Variants in CAMTA1 observed in about 807,000 individuals in gnomAD.
CAMTA1 encodes the protein calmodulin-binding transcription activator 1.
Under a neutral mutation model 170.9 loss-of-function variants are expected in CAMTA1, and 27 were observed. That is an observed-to-expected ratio of 0.16 (90% confidence interval 0.12 to 0.22). The LOEUF is 0.22. Ranked by LOEUF, CAMTA1 falls within the 10% of genes least tolerant of loss-of-function variation. The pLI, the probability that CAMTA1 is intolerant of heterozygous loss-of-function variation, is 1.00. For synonymous variants in CAMTA1, 833 were observed against 891.5 expected (o/e 0.93, Z 1.17); for missense variants, 1,619 against 2,217.2 (o/e 0.73, Z 5.42).
chr1:7,733,207 G>C (rs571288018), intron 12 of CAMTA1, among the ~76,000 whole-genome samples: 1 of 151,586 alleles, frequency 6.6e-6, no homozygotes, highest in Admixed American at 6.6e-5. Context: ...GTCTCAAAAA[G>C]AAGAAGAAGA....
At chr1:7,057,934 A>AGCCAG (rs751492627) in intron 3 of CAMTA1, among the ~76,000 whole-genome samples, 2 of 152,148 alleles carry the variant, frequency 1.3e-5, no homozygotes, top group South Asian at 4.1e-4. Context: ...CCTGACACCA[A>AGCCAG]GCCAGGCCAG....
At chr1:6,850,415 C>T (rs1302581794) in intron 3 of CAMTA1, among the ~76,000 whole-genome samples, 1 of 152,124 alleles carries the variant, frequency 6.6e-6, no homozygotes, top group African/African-American at 2.4e-5. Context: ...TTGAAGATGT[C>T]TTTATCTTCC....
At chr1:7,388,953 ACTGGGGC>A (rs1246881758) in intron 5 of CAMTA1, among the ~76,000 whole-genome samples, 2 of 152,124 alleles carry the variant, frequency 1.3e-5, no homozygotes, top group Non-Finnish European at 2.9e-5. Context: ...TTCCTGCCGG[ACTGGGGC>A]AGGGCCCTAA....
At chr1:6,954,931 T>C (rs1689175812) in intron 3 of CAMTA1, among the ~76,000 whole-genome samples, 1 of 152,130 alleles carries the variant, frequency 6.6e-6, no homozygotes, top group Non-Finnish European at 1.5e-5. Flanking sequence ...TCTCAGCATG[T>C]GCCTGTTTTC....
intron 11 of CAMTA1, among the ~76,000 whole-genome samples, chr1:7,710,856 T>C (rs747054380): frequency 6.6e-6 from 1 of 152,066 alleles, no homozygotes; most frequent in Non-Finnish European, 1.5e-5. Context: ...GGAAGACAGC[T>C]CTTATTTCCC....
intron 5 of CAMTA1, among the ~76,000 whole-genome samples, chr1:7,371,675 C>T (rs939255002): frequency 9.2e-5 from 14 of 152,198 alleles, no homozygotes; most frequent in Admixed American, 3.3e-4. Flanking sequence ...AGGAATGGCC[C>T]GGCCTCTGTG....
Position 7,562,361 on chromosome 1 carries a change from TTGGGTATCAGGGC to T in CAMTA1, c.511-78035_511-78023del, listed in dbSNP as rs1324763750. On this transcript the variant is annotated intron_variant, in intron 6 of 22. Coordinates refer to ENST00000303635, the MANE Select transcript of CAMTA1 (RefSeq NM_015215.4). The surrounding 1 kb of genome is among the most constrained non-coding windows in gnomAD (Gnocchi z 4.8). ...TGCATCGTTGGGCAGTGTAACTCAG[TTGGGTATCAGGGC>T]TGGTGGCAGCAGCAGGGCAGGCCGC... 1.3e-5 allele frequency among the ~76,000 whole-genome samples: 2 copies of T among 152,216 alleles called. No homozygotes were observed. The highest frequency in any genetic ancestry group is 2.9e-5 in the Non-Finnish European group (2 of 68,030).
At chr1:6,943,944 T>C (rs181583974) in intron 3 of CAMTA1, among the ~76,000 whole-genome samples, 123 of 152,156 alleles carry the variant, frequency 8.1e-4, no homozygotes, top group African/African-American at 2.9e-3. Context: ...ATTCACATTG[T>C]GGTACCATCA....
chr1:7,205,978 G>A (rs759421919), intron 4 of CAMTA1, among the ~76,000 whole-genome samples: 1 of 152,298 alleles, frequency 6.6e-6, no homozygotes, highest in South Asian at 2.1e-4. Context: ...GTTTTCTCCA[G>A]TAATTTTAGA....
intron 5 of CAMTA1, among the ~76,000 whole-genome samples, chr1:7,448,982 A>G (rs1437424264): frequency 2.0e-5 from 3 of 152,208 alleles, no homozygotes; most frequent in African/African-American, 7.2e-5. Flanking sequence ...CAGAAGCAAA[A>G]TGTTTCCCAA....
chr1:7,625,990 TG>T (rs1316578491), intron 6 of CAMTA1, among the ~76,000 whole-genome samples: 4 of 152,222 alleles, frequency 2.6e-5, no homozygotes, highest in African/African-American at 9.6e-5. Flanking sequence ...AAAGAAAAAC[TG>T]TATTTTCTAA....
At chr1:7,581,718 C>T (rs2095262417) in intron 6 of CAMTA1, among the ~76,000 whole-genome samples, 1 of 152,212 alleles carries the variant, frequency 6.6e-6, no homozygotes, top group Non-Finnish European at 1.5e-5. Flanking sequence ...GGAGCTTTTG[C>T]GGTTCTGGCA....
At chr1:7,320,486 C>T (rs1345732456) in intron 5 of CAMTA1, among the ~76,000 whole-genome samples, 5 of 152,092 alleles carry the variant, frequency 3.3e-5, no homozygotes, top group African/African-American at 4.8e-5. Flanking sequence ...GGTTGCTACT[C>T]AGTTGAACTT....
At chr1:7,659,911 G>A (rs1467271918) in intron 7 of CAMTA1, among the ~76,000 whole-genome samples, 1 of 152,210 alleles carries the variant, frequency 6.6e-6, no homozygotes, top group Non-Finnish European at 1.5e-5. Context: ...TACAAGTGAG[G>A]AAACTGAGGC....
chr1:7,276,222 T>A (rs182445713), intron 5 of CAMTA1, among the ~76,000 whole-genome samples: 36 of 132,404 alleles, frequency 2.7e-4, no homozygotes, highest in Admixed American at 3.8e-4. Flanking sequence ...AAACTAGATA[T>A]AGGAGAGAAT....
At chr1:7,744,034 A>T (rs569867392) in intron 16 of CAMTA1, among the ~76,000 whole-genome samples, 2 of 151,118 alleles carry the variant, frequency 1.3e-5, no homozygotes, top group African/African-American at 2.4e-5. Context: ...TCACCGTGTT[A>T]GCCAGGATGG....
chr1:7,362,596 G>C (rs1343737723), intron 5 of CAMTA1, among the ~76,000 whole-genome samples: 1 of 151,966 alleles, frequency 6.6e-6, no homozygotes, highest in East Asian at 1.9e-4. Context: ...GGATAGAGTT[G>C]GTGGACTTTG....
At chr1:7,045,359 C>CTG (rs1364088537) in intron 3 of CAMTA1, among the ~76,000 whole-genome samples, 1 of 152,166 alleles carries the variant, frequency 6.6e-6, no homozygotes, top group Non-Finnish European at 1.5e-5. Context: ...CCCCCTCCTG[C>CTG]TGTAGTTGGA....
At chr1:7,107,003 C>G (rs540156088) in intron 4 of CAMTA1, among the ~76,000 whole-genome samples, 6 of 151,762 alleles carry the variant, frequency 4.0e-5, no homozygotes, top group Non-Finnish European at 5.9e-5. Context: ...AGGGACAGCT[C>G]GTGTCATCAG....
Sources: gnomAD v4.1 joint callset for allele counts (sites outside exome capture counted in the v4.1 genomes callset) on GRCh38, gnomAD v4.1.1 for gene constraint, Gnocchi (gnomAD v3.1) non-coding constraint, MANE v1.5 for transcripts, NCBI Gene and HGNC (gene_info 2026-07-23, HGNC 2026-07-21) for gene names.